Variants in SAMMSON observed in about 807,000 individuals in gnomAD.
The protein encoded by SAMMSON is long intergenic non-protein coding RNA 1212.
At chr3:70,069,740 G>C (rs2067223318) in intron 3 of SAMMSON, 1 of 152,106 alleles carries the variant, frequency 6.6e-6, no homozygotes, top group African/African-American at 2.4e-5. Context: ...TCACAGATGA[G>C]CAAACTGAGC....
chr3:70,308,441 T>G (rs766428787), intron 7 of SAMMSON, among the ~76,000 whole-genome samples: 1 of 152,110 alleles, frequency 6.6e-6, no homozygotes, highest in Non-Finnish European at 1.5e-5. Context: ...AATGAATGAT[T>G]TTTTGGGTCT....
chr3:70,399,173 C>T (rs972913317), intron 2 of SAMMSON, among the ~76,000 whole-genome samples: 1 of 152,154 alleles, frequency 6.6e-6, no homozygotes, highest in Non-Finnish European at 1.5e-5. Flanking sequence ...TTGGCAAGCC[C>T]ACCTACTCAT....
chr3:70,116,313 A>G (rs953842632), intron 4 of SAMMSON, among the ~76,000 whole-genome samples: 1 of 91,378 alleles, frequency 1.1e-5, no homozygotes, highest in African/African-American at 4.3e-5. Context: ...TTTTTTTTAA[A>G]GAAAATAGTC....
At chr3:70,230,750 A>T (rs887586899) in intron 4 of SAMMSON, among the ~76,000 whole-genome samples, 1 of 152,176 alleles carries the variant, frequency 6.6e-6, no homozygotes, top group Non-Finnish European at 1.5e-5. Flanking sequence ...CCATGCCTTC[A>T]CCCTCCTTGA....
At chr3:70,119,494 C>T (rs1339741708) in intron 4 of SAMMSON, among the ~76,000 whole-genome samples, 2 of 152,022 alleles carry the variant, frequency 1.3e-5, no homozygotes, top group African/African-American at 2.4e-5. Flanking sequence ...TATAATGGCA[C>T]AGAGGAAAGA....
At chr3:70,432,168 A>G (rs922690383) in intron 2 of SAMMSON, among the ~76,000 whole-genome samples, 5 of 151,964 alleles carry the variant, frequency 3.3e-5, no homozygotes, top group South Asian at 2.1e-4. Context: ...CCAGCAATGT[A>G]TGAGAGTTCC....
At chr3:70,128,416 C>T (rs2067467990) in intron 4 of SAMMSON, among the ~76,000 whole-genome samples, 1 of 152,188 alleles carries the variant, frequency 6.6e-6, no homozygotes, top group Admixed American at 6.5e-5. Flanking sequence ...ACAGACCCTG[C>T]TTGGAGATTC....
intron 2 of SAMMSON, among the ~76,000 whole-genome samples, chr3:70,433,187 T>C: frequency 6.6e-6 from 1 of 152,068 alleles, no homozygotes; most frequent in Middle Eastern, 3.2e-3. Context: ...AGGAGCATAT[T>C]TGCTGGATTA....
rs1221309925 is a variant in SAMMSON at position 70,282,039 on chromosome 3, T to G, written n.675-9140T>G. On this transcript the variant is annotated intron_variant and non_coding_transcript_variant, in intron 6 of 9. Transcript: ENST00000642114. The stretch of plus-strand genomic sequence containing the variant: ...CACCAGGGGTGCAGTCTAGGTCCCT[T>G]TGCTTGTTGCATATAAAGCCAATCA... Among the ~76,000 whole-genome samples the G allele has an allele frequency of 2.0e-5, 3 of 152,130 alleles. No homozygotes were observed. In the East Asian group the frequency reaches 5.8e-4, roughly 29 times the overall value.
rs539567468 is a variant in SAMMSON at position 70,110,610 on chromosome 3, T to C, written n.507+39045T>C. On this transcript the variant is annotated intron_variant and non_coding_transcript_variant, in intron 4 of 9. Coordinates refer to ENST00000642114, the Ensembl canonical transcript of SAMMSON. ...CATGGTGTGGAATCCAGTCACCTTATACCTCTCAGGTTTAGATACTGTAGG... is the reference window on the plus strand; with the variant it reads ...CATGGTGTGGAATCCAGTCACCTTACACCTCTCAGGTTTAGATACTGTAGG... 2.6e-5 allele frequency among the ~76,000 whole-genome samples: 4 copies of C among 152,296 alleles called. 1 individual carries two copies. The highest frequency in any genetic ancestry group is 7.2e-5 in the African/African-American group (3 of 41,568).
chr3:70,278,821 T>C (rs1030933648), intron 6 of SAMMSON, among the ~76,000 whole-genome samples: 11 of 152,078 alleles, frequency 7.2e-5, no homozygotes, highest in African/African-American at 2.7e-4. Flanking sequence ...ATTCTTCTTC[T>C]ATAAAGGATA....
At chr3:70,151,743 GTTGT>G (rs1559524045) in intron 4 of SAMMSON, among the ~76,000 whole-genome samples, 1 of 151,348 alleles carries the variant, frequency 6.6e-6, no homozygotes, top group East Asian at 1.9e-4. Flanking sequence ...ATGTAAATGG[GTTGT>G]TTTTCTTTTT....
At chr3:70,372,853 A>G (rs542073109) in intron 9 of SAMMSON, among the ~76,000 whole-genome samples, 20 of 152,196 alleles carry the variant, frequency 1.3e-4, no homozygotes, top group Non-Finnish European at 2.4e-4. Flanking sequence ...TTTTATGTAC[A>G]TAACTTTTCA....
At position 70,298,866 on chromosome 3, in the gene SAMMSON, T is replaced by G. The variant is rs1018965795; in HGVS notation, n.739+7623T>G. On this transcript the variant is annotated intron_variant and non_coding_transcript_variant, in intron 7 of 9. Coordinates refer to ENST00000642114, the Ensembl canonical transcript of SAMMSON. ...CTGGTCCTGTTGTTTACTACCTGGG[T>G]GACTTTGGACCAAATTATTTAAACT... is the stretch of plus-strand genomic sequence containing the variant. Among the ~76,000 whole-genome samples, 8 of 152,260 alleles carry G rather than the reference T, an allele frequency of 5.3e-5. No homozygotes were observed. The South Asian group carries it at 1.0e-3, about 20-fold the overall frequency.
intron 7 of SAMMSON, among the ~76,000 whole-genome samples, chr3:70,300,198 T>C (rs1702334029): frequency 6.6e-6 from 1 of 152,134 alleles, no homozygotes; most frequent in Admixed American, 6.6e-5. Context: ...TCAGGGGCTA[T>C]TGTACCTCAA....
chr3:70,195,520 G>A lies in SAMMSON; in HGVS notation n.508-53587G>A, dbSNP rs150564495. On this transcript the variant is annotated intron_variant and non_coding_transcript_variant, in intron 4 of 9. Transcript: ENST00000642114. ...TCAAATTGGAAAAATGTGCTAGTTT[G>A]CTACAGAAATAAAGCAAATGGTGAT... 2.9e-3 allele frequency among the ~76,000 whole-genome samples: 446 copies of A among 152,260 alleles called. 3 individuals carry two copies. Among genetic ancestry groups the A allele is most frequent in the African/African-American group, 0.01 (430 of 41,548 alleles).
intron 3 of SAMMSON, among the ~76,000 whole-genome samples, chr3:70,038,169 A>T (rs984749941): frequency 6.6e-6 from 1 of 152,158 alleles, no homozygotes; most frequent in Non-Finnish European, 1.5e-5. Flanking sequence ...TTGATCCCCA[A>T]TGTGGCAGTG....
intron 2 of SAMMSON, among the ~76,000 whole-genome samples, chr3:70,414,066 C>T (rs1024887): frequency 0.66 from 99,646 of 151,910 alleles, 32,836 homozygotes; most frequent in South Asian, 0.7. Flanking sequence ...ATTATTGATA[C>T]CTGTCCTACA....
chr3:70,283,185 G>C (rs1702106097), intron 6 of SAMMSON, among the ~76,000 whole-genome samples: 1 of 152,106 alleles, frequency 6.6e-6, no homozygotes, highest in South Asian at 2.1e-4. Context: ...CCTGTGGCAG[G>C]AGATGCCAGT....
Sources: gnomAD v4.1 joint callset for allele counts (sites outside exome capture counted in the v4.1 genomes callset) on GRCh38, gnomAD v4.1.1 for gene constraint, MANE v1.5 for transcripts, NCBI Gene and HGNC (gene_info 2026-07-23, HGNC 2026-07-21) for gene names.